Variants in WDR7 observed in about 807,000 individuals in gnomAD.
WDR7 encodes the protein WD repeat domain 7.
In WDR7, 46 loss-of-function variants were observed where a neutral mutation model predicts 169.4. The ratio of observed to expected loss-of-function variants is 0.27; its 90% confidence interval spans 0.21 to 0.35. The LOEUF is 0.35. WDR7 is among the 10% of genes least tolerant of loss of function. The pLI is 1.00. For missense variants in WDR7, 1,534 were observed against 1,859.3 expected (o/e 0.83, Z 3.22); for synonymous variants, 612 against 666.8 (o/e 0.92, Z 1.27).
intron 23 of WDR7, among the ~76,000 whole-genome samples, chr18:56,937,142 T>C (rs1445444343): frequency 1.3e-5 from 2 of 152,180 alleles, no homozygotes; most frequent in Non-Finnish European, 2.9e-5. Context: ...AAAAATGAAC[T>C]GTTAGAATAC....
intron 19 of WDR7, among the ~76,000 whole-genome samples, chr18:56,812,001 T>TA (rs2044877024): frequency 6.6e-6 from 1 of 152,208 alleles, no homozygotes; most frequent in Non-Finnish European, 1.5e-5. Context: ...ACAAAAAACT[T>TA]ACTGGGATTT....
At chr18:56,909,056 A>G (rs1292673049) in intron 21 of WDR7, among the ~76,000 whole-genome samples, 15 of 152,078 alleles carry the variant, frequency 9.9e-5, no homozygotes, top group Admixed American at 9.2e-4. Flanking sequence ...ACCCTGTGTT[A>G]TTTTTACTCC....
chr18:57,025,154 T>G (rs2048349629), intron 27 of WDR7, among the ~76,000 whole-genome samples: 2 of 152,216 alleles, frequency 1.3e-5, no homozygotes, highest in African/African-American at 4.8e-5. Flanking sequence ...AATAAGGAAG[T>G]GTCTGAGCAT....
chr18:56,652,159 T>G (rs1468296046), intron 1 of WDR7, among the ~76,000 whole-genome samples: 1 of 152,178 alleles, frequency 6.6e-6, no homozygotes, highest in Non-Finnish European at 1.5e-5. Flanking sequence ...ACCCTAACTT[T>G]GATTCAAAAA....
At chr18:56,898,115 A>G (rs1288804618) in intron 21 of WDR7, among the ~76,000 whole-genome samples, 1 of 152,046 alleles carries the variant, frequency 6.6e-6, no homozygotes, top group Non-Finnish European at 1.5e-5. Flanking sequence ...CTTAAAAAGG[A>G]TAGGGGCACG....
At chr18:56,821,285 A>G (rs2045090883) in intron 20 of WDR7, among the ~76,000 whole-genome samples, 1 of 152,224 alleles carries the variant, frequency 6.6e-6, no homozygotes. Flanking sequence ...TCACTTGACA[A>G]CTTTCTTTTA....
intron 16 of WDR7, among the ~76,000 whole-genome samples, chr18:56,766,270 GTTGGGGTTCA>G (rs1002356069): frequency 5.9e-5 from 9 of 151,996 alleles, no homozygotes; most frequent in Non-Finnish European, 1.3e-4. Context: ...GTTTCTTGTG[GTTGGGGTTCA>G]TTGAGTTTAT....
In WDR7 at chr18:56,719,276, A is replaced by C. The variant is rs531282217; in HGVS notation, c.1774+1117A>C. ...CTTTCTGGGCATTTTAAAAAACAGA[A>C]TTGCTGGCCGGGCGCGGTGGCTCAC... On this transcript the variant is annotated intron_variant, in intron 13 of 27. Coordinates refer to ENST00000254442, the MANE Select transcript of WDR7 (RefSeq NM_015285.3). 6.2e-4 allele frequency among the ~76,000 whole-genome samples: 95 copies of C among 152,264 alleles called. 1 individual carries two copies. The South Asian group carries it at 0.019, about 31-fold the overall frequency.
chr18:57,026,874 A>G (rs1276886489), intron 27 of WDR7, 130 bp from the exon 28 acceptor site: 14 of 953,668 alleles, frequency 1.5e-5, no homozygotes. Flanking sequence ...TGAGAGGTTA[A>G]GAACAAGCTT....
chr18:56,923,010 C>T (rs973309460), intron 21 of WDR7, among the ~76,000 whole-genome samples: 2 of 152,068 alleles, frequency 1.3e-5, no homozygotes, highest in African/African-American at 4.8e-5. Context: ...GTTATGGAAC[C>T]GTGGTTAATT....
intron 16 of WDR7, among the ~76,000 whole-genome samples, chr18:56,771,869 C>T (rs192088573): frequency 9.8e-4 from 147 of 150,376 alleles, no homozygotes; most frequent in South Asian, 2.3e-3. Flanking sequence ...GCAACAAGAG[C>T]GAAACTCCAT....
chr18:56,818,715 T>C (rs1385729173), intron 20 of WDR7, among the ~76,000 whole-genome samples: 1 of 152,186 alleles, frequency 6.6e-6, no homozygotes, highest in Non-Finnish European at 1.5e-5. Context: ...CTATATAAAT[T>C]GCATTATGAA....
intron 26 of WDR7, among the ~76,000 whole-genome samples, chr18:56,968,495 CCTTT>C (rs1445559280): frequency 6.6e-6 from 1 of 151,882 alleles, no homozygotes; most frequent in Admixed American, 6.6e-5. Flanking sequence ...CATAGAAAAA[CCTTT>C]CTTATGAGTC....
At chr18:56,931,172 T>G (rs1019677761) in intron 22 of WDR7, among the ~76,000 whole-genome samples, 13 of 152,302 alleles carry the variant, frequency 8.5e-5, no homozygotes, top group African/African-American at 2.4e-4. Flanking sequence ...CCTGTAAACC[T>G]GTGTAACGGG....
intron 19 of WDR7, among the ~76,000 whole-genome samples, chr18:56,808,710 A>G (rs2044817903): frequency 6.6e-6 from 1 of 152,130 alleles, no homozygotes; most frequent in African/African-American, 2.4e-5. Context: ...AGCCAGTTGG[A>G]AAAAAATTCA....
chr18:56,661,111 T>A (rs891591785), intron 1 of WDR7, among the ~76,000 whole-genome samples: 4 of 152,236 alleles, frequency 2.6e-5, no homozygotes, highest in Non-Finnish European at 5.9e-5. Flanking sequence ...CTTTTTCTGT[T>A]TAATTCAATT....
chr18:56,843,130 T>C (rs1767984127), intron 20 of WDR7, among the ~76,000 whole-genome samples: 1 of 152,240 alleles, frequency 6.6e-6, no homozygotes, highest in Admixed American at 6.5e-5. Context: ...CAAAAATCCA[T>C]TAATGATGTT....
chr18:56,838,126 TA>T (rs2045423613), intron 20 of WDR7, among the ~76,000 whole-genome samples: 1 of 152,202 alleles, frequency 6.6e-6, no homozygotes, highest in African/African-American at 2.4e-5. Flanking sequence ...TGATGATATA[TA>T]AAAGACACAT....
intron 19 of WDR7, among the ~76,000 whole-genome samples, chr18:56,813,354 C>G (rs2044908587): frequency 6.6e-6 from 1 of 151,994 alleles, no homozygotes; most frequent in Non-Finnish European, 1.5e-5. Flanking sequence ...TATTCCTGAT[C>G]ATAGGGCAAA....
Sources: gnomAD v4.1 joint callset for allele counts (sites outside exome capture counted in the v4.1 genomes callset) on GRCh38, gnomAD v4.1.1 for gene constraint, MANE v1.5 for transcripts, NCBI Gene and HGNC (gene_info 2026-07-23, HGNC 2026-07-21) for gene names.